GATB: variants seen among roughly 807,000 people sequenced by gnomAD.
GATB encodes glutamyl-tRNA amidotransferase subunit B.
In GATB, 39 loss-of-function variants were observed where a neutral mutation model predicts 62.3. That is an observed-to-expected ratio of 0.63 (90% confidence interval 0.48 to 0.82). The LOEUF (loss-of-function observed/expected upper bound fraction) is 0.82. GATB is among the 40% of genes least tolerant of loss of function. GATB has a pLI of 0.00. For synonymous variants in GATB, 276 were observed against 258.9 expected, an observed-to-expected ratio of 1.07 and a Z score of -0.63; for missense variants, 670 against 684.0, an observed-to-expected ratio of 0.98 and a Z score of 0.23.
At chr4:151,679,084 C>T (rs753068970) in intron 11 of GATB, among the ~76,000 whole-genome samples, 14 of 152,160 alleles carry the variant, frequency 9.2e-5, no homozygotes, top group Non-Finnish European at 1.9e-4. Flanking sequence ...TTAGTAGAGA[C>T]GGGGTTTTGC....
At chr4:151,693,745 C>T (rs1027482517) in intron 9 of GATB, among the ~76,000 whole-genome samples, 4 of 152,192 alleles carry the variant, frequency 2.6e-5, no homozygotes, top group Non-Finnish European at 5.9e-5. Context: ...TTGGCCCCAA[C>T]CATTTCACTT....
chr4:151,710,779 G>A (rs1445724640), intron 5 of GATB, among the ~76,000 whole-genome samples: 2 of 152,030 alleles, frequency 1.3e-5, no homozygotes, highest in Admixed American at 1.3e-4. Flanking sequence ...CCAAACCCAG[G>A]ATCCCCTTCC....
intron 8 of GATB, among the ~76,000 whole-genome samples, chr4:151,701,960 G>A (rs528598635): frequency 6.6e-6 from 1 of 152,374 alleles, no homozygotes; most frequent in Admixed American, 6.5e-5. Context: ...ATGTGGAGTA[G>A]CCTACTGCTC....
At chr4:151,675,940 T>C (rs1737992337) in intron 11 of GATB, 1 of 152,218 alleles carries the variant, frequency 6.6e-6, no homozygotes, top group African/African-American at 2.4e-5. Context: ...TTTTGAAGTA[T>C]CCTGAAGGAA....
chr4:151,689,857 C>T lies in GATB; in HGVS notation c.1198-1094G>A, dbSNP rs541875898. 5.9e-5 allele frequency among the ~76,000 whole-genome samples: 9 copies of T among 152,228 alleles called. No homozygotes were observed. In the South Asian group the frequency reaches 1.9e-3, roughly 32 times the overall value. On this transcript the variant is annotated intron_variant, in intron 9 of 12. Transcript: ENST00000263985. ...GTTCTATACTACAGCTTGCTGCCAG[C>T]TCAGATAGTTTTGACACAATCAAGA...
intron 2 of GATB, chr4:151,723,481 C>T (rs1739070841): frequency 6.6e-6 from 1 of 152,236 alleles, no homozygotes; most frequent in African/African-American, 2.4e-5. Flanking sequence ...AACTCCAGAG[C>T]AGCACCTCAA....
At position 151,679,887 on chromosome 4, in the gene GATB, C is replaced by T. The variant is rs1738099822; in HGVS notation, c.1336G>A (p.Val446Ile). The change falls in exon 11 of 13, where the codon GTC becomes ATC. Residue 446 changes from valine to isoleucine, a missense_variant. By Grantham distance (29) the Val-to-Ile change is conservative. Coordinates refer to ENST00000263985, the MANE Select transcript of GATB (RefSeq NM_004564.3). The part of the protein sequence containing the change: ...QQNLAVSESP[V>I]TPSALAELLD... ...AGCTCAGCGAGTGCAGAGGGTGTGA[C>T]AGGACTGGTGGCCCCCAAAAGAGAA... The T allele has an allele frequency of 6.2e-7, 1 of 1,614,082 alleles. No individual in the cohort carries two copies. Among genetic ancestry groups the T allele is most frequent in the Non-Finnish European group, 8.5e-7 (1 of 1,179,990 alleles).
At chr4:151,740,046 T>C (rs1269606086) in intron 2 of GATB, among the ~76,000 whole-genome samples, 1 of 152,216 alleles carries the variant, frequency 6.6e-6, no homozygotes, top group African/African-American at 2.4e-5. Flanking sequence ...CTAAAAAGCA[T>C]ATGGCTAAAC....
chr4:151,689,718 T>C (rs1478205563), intron 9 of GATB, among the ~76,000 whole-genome samples: 1 of 152,050 alleles, frequency 6.6e-6, no homozygotes, highest in Non-Finnish European at 1.5e-5. Context: ...CCCGTCAGCA[T>C]GTATGTGTGT....
chr4:151,700,563 C>G (rs528225201), intron 9 of GATB, among the ~76,000 whole-genome samples: 2 of 152,160 alleles, frequency 1.3e-5, no homozygotes, highest in Non-Finnish European at 2.9e-5. Context: ...ATCCAGTTTC[C>G]GCAGATCCTG....
chr4:151,695,144 C>T (rs1419002697), intron 9 of GATB, among the ~76,000 whole-genome samples: 1 of 152,188 alleles, frequency 6.6e-6, no homozygotes, highest in Non-Finnish European at 1.5e-5. Flanking sequence ...GTTTCTACAG[C>T]CCTGCCTTTC....
intron 1 of GATB, among the ~76,000 whole-genome samples, chr4:151,760,289 T>A (rs1739924574): frequency 1.3e-5 from 2 of 152,170 alleles, no homozygotes; most frequent in African/African-American, 4.8e-5. Context: ...TATCTCTTCT[T>A]TTGGCTGCGT....
chr4:151,700,979 T>C (rs1411859112), intron 9 of GATB, among the ~76,000 whole-genome samples: 1 of 152,214 alleles, frequency 6.6e-6, no homozygotes, highest in Non-Finnish European at 1.5e-5. Flanking sequence ...AGAAACCCTA[T>C]ACATTGATTT....
At chr4:151,715,379 A>C (rs1738893460) in intron 5 of GATB, among the ~76,000 whole-genome samples, 1 of 152,232 alleles carries the variant, frequency 6.6e-6, no homozygotes, top group Non-Finnish European at 1.5e-5. Context: ...GGATACCTAG[A>C]GCCATGAGGA....
At chr4:151,729,814 G>A (rs145588974) in intron 2 of GATB, among the ~76,000 whole-genome samples, 1 of 152,310 alleles carries the variant, frequency 6.6e-6, no homozygotes, top group Admixed American at 6.5e-5. Context: ...AAGAGAAGAA[G>A]GAGAGTCCCT....
chr4:151,706,624 C>CTA (rs1295752669), intron 6 of GATB, among the ~76,000 whole-genome samples: 3 of 152,014 alleles, frequency 2.0e-5, no homozygotes, highest in Non-Finnish European at 4.4e-5. Context: ...CTCCCATAAG[C>CTA]TATCCGTTTG....
chr4:151,712,363 C>T (rs764238022), intron 5 of GATB, among the ~76,000 whole-genome samples: 1 of 152,210 alleles, frequency 6.6e-6, no homozygotes, highest in Non-Finnish European at 1.5e-5. Context: ...TTCTGCACCA[C>T]TGAGGGACAG....
chr4:151,709,922 G>A (rs748337926), intron 5 of GATB, among the ~76,000 whole-genome samples: 2 of 152,060 alleles, frequency 1.3e-5, no homozygotes, highest in African/African-American at 2.4e-5. Flanking sequence ...TGCTCATTCC[G>A]GGAGAAAGCT....
intron 2 of GATB, among the ~76,000 whole-genome samples, chr4:151,755,575 G>C (rs2127000951): frequency 6.6e-6 from 1 of 152,158 alleles, no homozygotes; most frequent in South Asian, 2.1e-4. Flanking sequence ...GTTTTTTCTT[G>C]CTTTTATGCC....
Sources: gnomAD v4.1 joint callset for allele counts (sites outside exome capture counted in the v4.1 genomes callset) on GRCh38, gnomAD v4.1.1 for gene constraint, MANE v1.5 for transcripts, NCBI Gene and HGNC (gene_info 2026-07-23, HGNC 2026-07-21) for gene names.